Variants in PDE10A observed in about 807,000 individuals in gnomAD.
PDE10A encodes cAMP and cAMP-inhibited cGMP 3',5'-cyclic phosphodiesterase 10A.
Under a neutral mutation model 97.7 loss-of-function variants are expected in PDE10A, and 39 were observed. The ratio of observed to expected loss-of-function variants is 0.40; its 90% CI spans 0.31 to 0.52. PDE10A has a LOEUF of 0.52. Ranked by LOEUF, PDE10A falls within the 20% of genes least tolerant of loss-of-function variation. PDE10A has a pLI of 0.56. For missense variants in PDE10A, 731 were observed against 1,047.8 expected, an observed-to-expected ratio of 0.70 and a Z score of 4.17; for synonymous variants, 371 against 376.8, an observed-to-expected ratio of 0.98 and a Z score of 0.18.
chr6:165,513,019 T>C (rs551770268), intron 2 of PDE10A, among the ~76,000 whole-genome samples: 1 of 152,162 alleles, frequency 6.6e-6, no homozygotes, highest in East Asian at 1.9e-4. Context: ...TATTATTTTG[T>C]TTAAGAATCC....
intron 1 of PDE10A, among the ~76,000 whole-genome samples, chr6:165,806,841 A>G (rs983647794): frequency 6.6e-6 from 1 of 152,228 alleles, no homozygotes; most frequent in Non-Finnish European, 1.5e-5. Flanking sequence ...ATTGGGGTTC[A>G]TTTAGTCAAT....
At chr6:165,446,011 T>C (rs1234868230) in intron 5 of PDE10A, among the ~76,000 whole-genome samples, 1 of 151,694 alleles carries the variant, frequency 6.6e-6, no homozygotes, top group East Asian at 1.9e-4. Context: ...AAACTGTAAA[T>C]TCAAAGGAAC....
At chr6:165,500,273 G>A (rs1780789550) in intron 2 of PDE10A, among the ~76,000 whole-genome samples, 1 of 151,902 alleles carries the variant, frequency 6.6e-6, no homozygotes, top group South Asian at 2.1e-4. Context: ...ACTCACAGAT[G>A]GCATTGTGCA....
intron 5 of PDE10A, among the ~76,000 whole-genome samples, chr6:165,436,531 A>G (rs557172613): frequency 6.6e-6 from 1 of 152,292 alleles, no homozygotes; most frequent in East Asian, 1.9e-4. Context: ...ACAATTATAA[A>G]TGATTAGAAG....
chr6:165,771,311 A>AT (rs1778002706), intron 1 of PDE10A, among the ~76,000 whole-genome samples: 1 of 152,182 alleles, frequency 6.6e-6, no homozygotes, highest in African/African-American at 2.4e-5. Context: ...GACTCCACCT[A>AT]ATGACACAGG....
At chr6:165,873,121 G>A (rs372032074) in intron 1 of PDE10A, among the ~76,000 whole-genome samples, 1 of 152,170 alleles carries the variant, frequency 6.6e-6, no homozygotes, top group East Asian at 1.9e-4. Context: ...ATGTTCGGGG[G>A]AGCAGCCAGA....
intron 1 of PDE10A, among the ~76,000 whole-genome samples, chr6:165,622,510 C>G (rs1045359746): frequency 6.6e-6 from 1 of 152,146 alleles, no homozygotes; most frequent in African/African-American, 2.4e-5. Context: ...TAACACAATG[C>G]TAAGGATTTG....
chr6:165,534,877 G>A (rs1016082215), intron 2 of PDE10A, among the ~76,000 whole-genome samples: 2 of 151,878 alleles, frequency 1.3e-5, no homozygotes, highest in African/African-American at 4.8e-5. Context: ...TTTCCTGTAA[G>A]ATCTAACAAG....
chr6:165,592,574 G>C (rs1786342760), intron 1 of PDE10A, among the ~76,000 whole-genome samples: 1 of 152,154 alleles, frequency 6.6e-6, no homozygotes, highest in Non-Finnish European at 1.5e-5. Flanking sequence ...CTAATATCCA[G>C]AATCTACAAG....
intron 2 of PDE10A, among the ~76,000 whole-genome samples, chr6:165,508,147 CAT>C (rs746800938): frequency 5.9e-5 from 9 of 152,032 alleles, no homozygotes; most frequent in Admixed American, 1.3e-4. Context: ...TTCACATACA[CAT>C]GTGAAACCAC....
intron 18 of PDE10A, among the ~76,000 whole-genome samples, chr6:165,356,116 A>G (rs1332860053): frequency 6.6e-6 from 1 of 152,110 alleles, no homozygotes; most frequent in Non-Finnish European, 1.5e-5. Flanking sequence ...ATTCACTATC[A>G]TGAGAATGGC....
At chr6:165,857,873 A>G (rs1217214507) in intron 1 of PDE10A, among the ~76,000 whole-genome samples, 2 of 152,298 alleles carry the variant, frequency 1.3e-5, no homozygotes, top group South Asian at 2.1e-4. Context: ...TTATGCCTGG[A>G]AAAACAAGCA....
intron 1 of PDE10A, among the ~76,000 whole-genome samples, chr6:165,681,199 G>A (rs1383489896): frequency 1.3e-5 from 2 of 152,178 alleles, no homozygotes; most frequent in Non-Finnish European, 1.5e-5. Flanking sequence ...TGTGTGGTAC[G>A]TATCAGCATC....
intron 2 of PDE10A, among the ~76,000 whole-genome samples, chr6:165,518,846 A>T (rs2128307061): frequency 6.6e-6 from 1 of 152,318 alleles, no homozygotes; most frequent in South Asian, 2.1e-4. Context: ...CTCTAAGATG[A>T]GAAAGGCATT....
At chr6:165,712,639 T>C (rs1487333281) in intron 1 of PDE10A, among the ~76,000 whole-genome samples, 14 of 136,054 alleles carry the variant, frequency 1.0e-4, no homozygotes, top group African/African-American at 1.9e-4. Flanking sequence ...TTCTTTTTTT[T>C]TTTTTTTTTT....
chr6:165,395,279 G>A lies in PDE10A; in HGVS notation c.2220-15C>T. The A allele has an allele frequency of 6.4e-7, 1 of 1,573,272 alleles. No homozygotes were observed. Among genetic ancestry groups the A allele is most frequent in the Admixed American group, 1.7e-5 (1 of 59,786 alleles). The stretch of plus-strand genomic sequence containing the variant: ...CAAAGTGGAATCTGAAATTTTAAAA[G>A]GGCAGTTTATCACTAAACGTGATTA... On this transcript the variant is annotated splice_polypyrimidine_tract_variant and intron_variant, in intron 14 of 21. Transcript: ENST00000539869.
intron 1 of PDE10A, among the ~76,000 whole-genome samples, chr6:165,652,307 A>G (rs1789722892): frequency 6.6e-6 from 1 of 151,260 alleles, no homozygotes; most frequent in Admixed American, 6.6e-5. Context: ...CCCAGGCTAC[A>G]GTGCAATGGT....
intron 18 of PDE10A, among the ~76,000 whole-genome samples, chr6:165,357,898 C>T (rs1054440739): frequency 6.6e-6 from 1 of 152,042 alleles, no homozygotes; most frequent in Non-Finnish European, 1.5e-5. Flanking sequence ...TTAATTTACT[C>T]TTTTTTTCTA....
intron 10 of PDE10A, among the ~76,000 whole-genome samples, chr6:165,420,443 A>C (rs1177464475): frequency 1.3e-5 from 2 of 152,202 alleles, no homozygotes; most frequent in Non-Finnish European, 2.9e-5. Flanking sequence ...ACATAAAGGC[A>C]CAGCGAGAGT....
Sources: allele counts gnomAD v4.1 joint callset (sites outside exome capture counted in the v4.1 genomes callset), GRCh38; gene constraint gnomAD v4.1.1; transcripts MANE v1.5; gene names NCBI Gene and HGNC (gene_info 2026-07-23, HGNC 2026-07-21).